IL1RAPL2: variants seen among roughly 807,000 people sequenced by gnomAD.
IL1RAPL2 encodes the protein interleukin 1 receptor accessory protein like 2, also known as X-linked interleukin-1 receptor accessory protein-like 2.
Under a neutral mutation model 44.1 loss-of-function variants are expected in IL1RAPL2, and 3 were observed. The observed-to-expected ratio is 0.07, with a 90% CI of 0.03 to 0.18. The LOEUF (loss-of-function observed/expected upper bound fraction) is 0.18, where lower values mean the gene tolerates loss of function less well. IL1RAPL2 is among the 10% of genes least tolerant of loss of function. IL1RAPL2 has a pLI of 1.00. For synonymous variants in IL1RAPL2, 181 were observed against 178.8 expected (o/e 1.01, Z -0.10); for missense variants, 391 against 496.4 (o/e 0.79, Z 2.02).
intron 2 of IL1RAPL2, among the ~76,000 whole-genome samples, chrX:104,853,611 T>A (rs921271101): frequency 1.3e-5 from 1 of 75,207 alleles, no homozygotes; most frequent in Admixed American, 1.7e-4. Context: ...AGAGGATTTG[T>A]GTTGCAGGGT....
intron 6 of IL1RAPL2, among the ~76,000 whole-genome samples, chrX:105,640,654 GTATA>G (rs768814568): frequency 0.14 from 8,371 of 59,263 alleles, 537 homozygotes; most frequent in Non-Finnish European, 0.17. Flanking sequence ...GTATGTGTGT[GTATA>G]TATATATATA....
At chrX:105,685,298 A>G (rs148356253) in intron 6 of IL1RAPL2, among the ~76,000 whole-genome samples, 1,245 of 111,604 alleles carry the variant, frequency 0.011, 19 homozygotes, top group Middle Eastern at 0.018. Flanking sequence ...TAAGGAAGCT[A>G]AAAACCTTGA....
chrX:105,646,424 C>T (rs2037606157), intron 6 of IL1RAPL2, among the ~76,000 whole-genome samples: 1 of 111,622 alleles, frequency 9.0e-6, no homozygotes, highest in African/African-American at 3.3e-5. Context: ...TTAGAGATAG[C>T]CGTTTTAGGA....
intron 6 of IL1RAPL2, among the ~76,000 whole-genome samples, chrX:105,525,260 A>T (rs1271057052): frequency 9.0e-6 from 1 of 111,715 alleles, no homozygotes; most frequent in Non-Finnish European, 1.9e-5. Context: ...TTCAGCTGCT[A>T]TGAAGGATCA....
At chrX:104,915,672 G>A (rs1220363177) in intron 2 of IL1RAPL2, among the ~76,000 whole-genome samples, 10 of 111,139 alleles carry the variant, frequency 9.0e-5, no homozygotes, top group African/African-American at 2.6e-4. Flanking sequence ...GTATTGCCTA[G>A]GTTTTCTTCT....
intron 3 of IL1RAPL2, among the ~76,000 whole-genome samples, chrX:105,216,635 G>A (rs1439760918): frequency 9.1e-6 from 1 of 109,809 alleles, no homozygotes; most frequent in Non-Finnish European, 1.9e-5. Flanking sequence ...AAAAGGGCCC[G>A]CATAGCCAAG....
intron 6 of IL1RAPL2, among the ~76,000 whole-genome samples, chrX:105,626,136 G>A (rs2037451377): frequency 9.0e-6 from 1 of 111,726 alleles, no homozygotes; most frequent in African/African-American, 3.3e-5. Flanking sequence ...CAGCATAGGA[G>A]GAACCTGACA....
intron 2 of IL1RAPL2, among the ~76,000 whole-genome samples, chrX:104,777,419 A>T (rs1009297448): frequency 6.4e-5 from 7 of 110,067 alleles, no homozygotes; most frequent in African/African-American, 2.3e-4. Context: ...GCATTTATAT[A>T]CCACATTTTG....
intron 2 of IL1RAPL2, among the ~76,000 whole-genome samples, chrX:104,916,553 C>A (rs1388320201): frequency 7.2e-5 from 8 of 111,194 alleles, no homozygotes; most frequent in Non-Finnish European, 3.8e-5. Context: ...AATTGAATAC[C>A]CTTTATTTCC....
chrX:104,848,434 T>TAC (rs1271583041), intron 2 of IL1RAPL2, among the ~76,000 whole-genome samples: 1 of 96,467 alleles, frequency 1.0e-5, no homozygotes, highest in Non-Finnish European at 2.0e-5. Flanking sequence ...TATATATATA[T>TAC]ATATATATAT....
chrX:105,757,837 T>G (rs973753277), intron 10 of IL1RAPL2, among the ~76,000 whole-genome samples: 1 of 111,874 alleles, frequency 8.9e-6, no homozygotes, highest in Non-Finnish European at 1.9e-5. Context: ...TCCATCAACA[T>G]TTTAGAGTTA....
intron 2 of IL1RAPL2, among the ~76,000 whole-genome samples, chrX:104,945,118 A>T (rs1569347994): frequency 1.8e-5 from 2 of 111,589 alleles, no homozygotes; most frequent in Admixed American, 9.6e-5. Context: ...CATATGCATA[A>T]AGTGCCTGTC....
At chrX:105,222,253 A>G (rs1013522766) in intron 3 of IL1RAPL2, among the ~76,000 whole-genome samples, 1 of 112,290 alleles carries the variant, frequency 8.9e-6, no homozygotes, top group East Asian at 2.8e-4. Flanking sequence ...ATTTTTTATT[A>G]TATGGGCATT....
At chrX:104,693,388 C>T (rs1319470827) in intron 2 of IL1RAPL2, among the ~76,000 whole-genome samples, 1 of 111,727 alleles carries the variant, frequency 9.0e-6, no homozygotes, top group African/African-American at 3.3e-5. Context: ...CAAGGATCCA[C>T]TTGAGGGACC....
intron 2 of IL1RAPL2, among the ~76,000 whole-genome samples, chrX:104,883,468 A>G (rs780156375): frequency 1.4e-4 from 16 of 111,066 alleles, no homozygotes; most frequent in Non-Finnish European, 2.1e-4. Flanking sequence ...TCCCGACAAC[A>G]AGTTGGTTGA....
chrX:104,662,317 G>T (rs2148025054), intron 2 of IL1RAPL2, among the ~76,000 whole-genome samples: 1 of 111,959 alleles, frequency 8.9e-6, no homozygotes, highest in Admixed American at 9.5e-5. Context: ...ACTGCATCTA[G>T]GGCCTGATTG....
At chrX:104,890,188 C>A (rs761645550) in intron 2 of IL1RAPL2, among the ~76,000 whole-genome samples, 1 of 111,794 alleles carries the variant, frequency 8.9e-6, no homozygotes, top group East Asian at 2.8e-4. Context: ...TTTCTTAATC[C>A]AGTCTATCAT....
chrX:104,977,769 G>C (rs2030365506), intron 2 of IL1RAPL2, among the ~76,000 whole-genome samples: 1 of 112,251 alleles, frequency 8.9e-6, no homozygotes, highest in South Asian at 3.7e-4. Context: ...TGCAGAACAG[G>C]GTTATCCCAT....
chrX:104,761,923 CCTTCTTCTTCTTCTT>C (rs759437149), intron 2 of IL1RAPL2, among the ~76,000 whole-genome samples: 400 of 30,728 alleles, frequency 0.013, 20 homozygotes, highest in Middle Eastern at 0.018. Flanking sequence ...TTCTCCTTCT[CCTTCTTCTTCTTCTT>C]CTTCTTCTTC....
Sources: allele counts gnomAD v4.1 joint callset (sites outside exome capture counted in the v4.1 genomes callset), GRCh38; gene constraint gnomAD v4.1.1; transcripts MANE v1.5; gene names NCBI Gene and HGNC (gene_info 2026-07-23, HGNC 2026-07-21).